Variants in WWC1 observed in about 807,000 individuals in gnomAD.
The protein encoded by WWC1 is protein KIBRA.
Under a neutral mutation model 138.4 loss-of-function variants are expected in WWC1, and 55 were observed. The ratio of observed to expected loss-of-function variants is 0.40; its 90% CI spans 0.32 to 0.50. The LOEUF (loss-of-function observed/expected upper bound fraction) is 0.50, where lower values mean the gene tolerates loss of function less well. Among genes scored for constraint, WWC1 ranks in the 20% least tolerant of loss-of-function variants. The pLI is 0.72. For synonymous variants in WWC1, 524 were observed against 564.9 expected (o/e 0.93, Z 1.03); for missense variants, 1,226 against 1,420.4 (o/e 0.86, Z 2.20).
Position 168,423,691 on chromosome 5 carries a change from A to G in WWC1, c.1433A>G (p.Gln478Arg). 6.2e-7 allele frequency: 1 copy of G among 1,614,184 alleles called. No individual in the cohort carries two copies. Among genetic ancestry groups the G allele is most frequent in the South Asian group, 1.1e-5 (1 of 91,080 alleles). ...DPFEQLDSEL[Q>R]SKVEFLLLEG... Reference sequence around the variant, plus strand: ...TTTGAGCAGCTGGACTCAGAGCTGCAGAGCAAGGTGGAGTTCCTGCTCCTG... The same window carrying G: ...TTTGAGCAGCTGGACTCAGAGCTGCGGAGCAAGGTGGAGTTCCTGCTCCTG... The change falls in exon 11 of 23, where the codon CAG (glutamine) becomes CGG (arginine). Residue 478 changes from glutamine to arginine, a missense_variant. Around this residue, in one of 3 missense-constraint regions of WWC1, gnomAD observed 1,016 missense variants for 1,153.9 expected, o/e 0.88. Transcript: ENST00000265293.
intron 10 of WWC1, among the ~76,000 whole-genome samples, chr5:168,423,054 G>A (rs1781222992): frequency 6.7e-6 from 1 of 148,782 alleles, no homozygotes; most frequent in Admixed American, 6.8e-5. Context: ...GCTGAGGCAG[G>A]AGAATTGCTT....
chr5:168,403,051 T>C (rs1183954807), intron 5 of WWC1, among the ~76,000 whole-genome samples: 1 of 136,388 alleles, frequency 7.3e-6, no homozygotes, highest in Non-Finnish European at 1.6e-5. Context: ...TCTTTCTTTC[T>C]TTCTTTCTTT....
intron 5 of WWC1, among the ~76,000 whole-genome samples, chr5:168,405,501 T>C (rs1779711138): frequency 2.0e-5 from 3 of 152,138 alleles, no homozygotes; most frequent in Admixed American, 6.5e-5. Flanking sequence ...CCGCATAAAC[T>C]ATAAATTATC....
intron 15 of WWC1, among the ~76,000 whole-genome samples, chr5:168,438,119 A>G (rs897171305): frequency 2.0e-5 from 3 of 152,178 alleles, no homozygotes; most frequent in Non-Finnish European, 4.4e-5. Flanking sequence ...AGCTGGTGCT[A>G]AACAAGTGAA....
At chr5:168,425,935 T>C (rs935525309) in intron 11 of WWC1, among the ~76,000 whole-genome samples, 1 of 152,210 alleles carries the variant, frequency 6.6e-6, no homozygotes. Context: ...CACACTGTTA[T>C]CCATGTGCTG....
chr5:168,334,522 C>A (rs1773297746), intron 1 of WWC1, among the ~76,000 whole-genome samples: 2 of 152,168 alleles, frequency 1.3e-5, no homozygotes, highest in Non-Finnish European at 2.9e-5. Flanking sequence ...CCTTCTATAA[C>A]TGTGAGGAGT....
intron 7 of WWC1, 111 bp downstream of exon 7, chr5:168,408,764 T>G (rs1189233385): frequency 7.0e-7 from 1 of 1,432,300 alleles, no homozygotes; most frequent in Admixed American, 1.9e-5. Context: ...CCAGGGGTTC[T>G]CTGCAGGGCT....
chr5:168,368,564 C>G, intron 1 of WWC1, among the ~76,000 whole-genome samples: 1 of 152,112 alleles, frequency 6.6e-6, no homozygotes, highest in Non-Finnish European at 1.5e-5. Flanking sequence ...GAGGAATGAG[C>G]CAGAATGATC....
At chr5:168,391,654 G>A (rs1300462271) in intron 3 of WWC1, among the ~76,000 whole-genome samples, 32 of 122,270 alleles carry the variant, frequency 2.6e-4, no homozygotes, top group East Asian at 1.8e-3. Flanking sequence ...GCAACACTCC[G>A]TCTCAAAAAA....
intron 9 of WWC1, chr5:168,416,295 G>A (rs1217539277): frequency 6.6e-6 from 1 of 152,210 alleles, no homozygotes; most frequent in Non-Finnish European, 1.5e-5. Context: ...GATTAGCCCT[G>A]ATCCACCACC....
intron 1 of WWC1, among the ~76,000 whole-genome samples, chr5:168,305,045 G>A (rs950131228): frequency 2.6e-5 from 4 of 151,534 alleles, no homozygotes; most frequent in Non-Finnish European, 5.9e-5. Flanking sequence ...GGCTGGTCTC[G>A]AACTCCCAAC....
At chr5:168,293,777 C>T (rs1769280586) in intron 1 of WWC1, among the ~76,000 whole-genome samples, 1 of 152,156 alleles carries the variant, frequency 6.6e-6, no homozygotes, top group African/African-American at 2.4e-5. Context: ...CCATTTGAAA[C>T]ATAAGAGAAA....
At chr5:168,401,331 G>C (rs963638602) in intron 5 of WWC1, among the ~76,000 whole-genome samples, 2 of 152,186 alleles carry the variant, frequency 1.3e-5, no homozygotes, top group Admixed American at 6.5e-5. Context: ...TTCTAAGGGG[G>C]CAGCTCACTT....
chr5:168,388,019 T>C (rs1016779921), intron 3 of WWC1, among the ~76,000 whole-genome samples: 7 of 152,110 alleles, frequency 4.6e-5, no homozygotes, highest in Non-Finnish European at 1.0e-4. Flanking sequence ...GGACCCATAA[T>C]CACATGTCAG....
intron 16 of WWC1, among the ~76,000 whole-genome samples, chr5:168,443,992 A>T (rs2152873973): frequency 6.6e-6 from 1 of 152,314 alleles, no homozygotes; most frequent in South Asian, 2.1e-4. Flanking sequence ...CTCAAGTCAC[A>T]TGGGCTTTTT....
chr5:168,441,997 G>A (rs1754816849), intron 16 of WWC1, 163 bp downstream of exon 16: 3 of 1,090,044 alleles, frequency 2.8e-6, no homozygotes, highest in Non-Finnish European at 3.7e-6. Context: ...CCACTAAGGG[G>A]CAGGCGGCTC....
intron 1 of WWC1, among the ~76,000 whole-genome samples, chr5:168,298,758 G>A (rs2152738877): frequency 6.6e-6 from 1 of 152,280 alleles, no homozygotes; most frequent in South Asian, 2.1e-4. Flanking sequence ...TATGGGGTAA[G>A]TACTTCAGAT....
intron 18 of WWC1, 48 bp downstream of exon 18, chr5:168,454,148 T>C (rs774546741): frequency 6.3e-7 from 1 of 1,592,230 alleles, no homozygotes. Flanking sequence ...GAAGGAACCT[T>C]CAATCCTTGT....
chr5:168,293,270 G>A (rs1460400150), intron 1 of WWC1, among the ~76,000 whole-genome samples: 1 of 152,160 alleles, frequency 6.6e-6, no homozygotes, highest in Non-Finnish European at 1.5e-5. Context: ...TTGTTGACAC[G>A]GTCTGTGGGC....
Sources: allele counts gnomAD v4.1 joint callset (sites outside exome capture counted in the v4.1 genomes callset), GRCh38; gene constraint gnomAD v4.1.1; regional missense constraint gnomAD v4.1.1; transcripts MANE v1.5; gene names NCBI Gene and HGNC (gene_info 2026-07-23, HGNC 2026-07-21).